Variants in ARHGEF4 observed in about 807,000 individuals in gnomAD.
ARHGEF4 encodes APC-stimulated guanine nucleotide exchange factor 1.
A neutral mutation model predicts 162.0 loss-of-function variants in ARHGEF4; 119 were observed. The ratio of observed to expected loss-of-function variants is 0.73; its 90% CI spans 0.63 to 0.86. The LOEUF (loss-of-function observed/expected upper bound fraction) is 0.86, where lower values mean the gene tolerates loss of function less well. Ranked by LOEUF, ARHGEF4 falls within the 40% of genes least tolerant of loss-of-function variation. The pLI, the probability that ARHGEF4 is intolerant of heterozygous loss-of-function variation, is 0.00. For missense variants in ARHGEF4, 2,488 were observed against 2,456.0 expected, an observed-to-expected ratio of 1.01 and a Z score of -0.28; for synonymous variants, 1,014 against 979.9, an observed-to-expected ratio of 1.03 and a Z score of -0.65.
At chr2:130,978,826 T>A (rs1242841666) in intron 4 of ARHGEF4, among the ~76,000 whole-genome samples, 1 of 151,708 alleles carries the variant, frequency 6.6e-6, no homozygotes, top group Non-Finnish European at 1.5e-5. Context: ...ACAAAAGCCA[T>A]AAAAAAAATT....
At chr2:130,904,219 T>G (rs1473800927) in intron 1 of ARHGEF4, among the ~76,000 whole-genome samples, 1 of 152,230 alleles carries the variant, frequency 6.6e-6, no homozygotes, top group Non-Finnish European at 1.5e-5. Flanking sequence ...TCCTGACTGG[T>G]GCATCTCTCT....
rs1045704770 is a variant in ARHGEF4 at position 130,917,075 on chromosome 2, T to C, written c.3129T>C (p.Pro1043=). 1 of 1,550,570 alleles carries C rather than the reference T, an allele frequency of 6.4e-7. No homozygotes were observed. The highest frequency in any genetic ancestry group is 8.7e-7 in the Non-Finnish European group (1 of 1,147,016). The change falls in exon 2 of 14, where the codon CCT becomes CCC. Residue 1043 remains proline (P), a synonymous_variant. Coordinates refer to ENST00000409359, the MANE Select transcript of ARHGEF4 (RefSeq NM_001367493.1). ...TATQEGGRYL[P]SGIFPEKSWL... Reference sequence around the variant, plus strand: ...CCCAGGAAGGCGGTAGGTACCTACCTTCAGGTATCTTTCCGGAAAAGTCCT... The same window carrying C: ...CCCAGGAAGGCGGTAGGTACCTACCCTCAGGTATCTTTCCGGAAAAGTCCT...
At chr2:131,018,654 A>T (rs78460326) in intron 4 of ARHGEF4, among the ~76,000 whole-genome samples, 4,035 of 152,278 alleles carry the variant, frequency 0.026, 167 homozygotes, top group African/African-American at 0.091. Flanking sequence ...TTGGTCTTAT[A>T]TCCAAGAAAT....
chr2:130,882,272 TC>T (rs1272469798), intron 1 of ARHGEF4, among the ~76,000 whole-genome samples: 1 of 152,004 alleles, frequency 6.6e-6, no homozygotes, highest in Non-Finnish European at 1.5e-5. Flanking sequence ...GAGGGCCTGT[TC>T]CTTCCTGTTT....
intron 4 of ARHGEF4, among the ~76,000 whole-genome samples, chr2:130,985,784 GT>G (rs1686441207): frequency 6.6e-6 from 1 of 151,658 alleles, no homozygotes; most frequent in Non-Finnish European, 1.5e-5. Context: ...CATGATATGT[GT>G]TTTGTGTTGT....
At chr2:130,946,383 C>T in intron 3 of ARHGEF4, 126 bp from the exon 4 acceptor site, 2 of 1,167,752 alleles carry the variant, frequency 1.7e-6, no homozygotes, top group Admixed American at 4.7e-5. Flanking sequence ...TGGAGCTGTG[C>T]ATATTTTGGT....
chr2:130,977,665 GGTGT>G (rs143773962), intron 4 of ARHGEF4, among the ~76,000 whole-genome samples: 1 of 151,498 alleles, frequency 6.6e-6, no homozygotes, highest in Non-Finnish European at 1.5e-5. Flanking sequence ...GTGTATGTAT[GGTGT>G]GTGTGTGTGC....
At chr2:131,016,172 C>T (rs941615450) in intron 4 of ARHGEF4, among the ~76,000 whole-genome samples, 3 of 152,136 alleles carry the variant, frequency 2.0e-5, no homozygotes, top group Non-Finnish European at 2.9e-5. Context: ...TACCCTGACA[C>T]CTCCCAACGT....
intron 1 of ARHGEF4, among the ~76,000 whole-genome samples, chr2:130,865,164 G>C (rs534873675): frequency 6.6e-6 from 1 of 152,224 alleles, no homozygotes; most frequent in African/African-American, 2.4e-5. Context: ...AGTCAAAACA[G>C]GCATCTCAGA....
chr2:130,842,629 A>G (rs532712755), intron 1 of ARHGEF4, among the ~76,000 whole-genome samples: 47 of 152,206 alleles, frequency 3.1e-4, no homozygotes, highest in African/African-American at 1.1e-3. Context: ...ACCATTGATA[A>G]TTTATTTAGG....
At chr2:130,977,712 C>T (rs904179700) in intron 4 of ARHGEF4, among the ~76,000 whole-genome samples, 1 of 150,914 alleles carries the variant, frequency 6.6e-6, no homozygotes, top group African/African-American at 2.4e-5. Context: ...GTTTTTTTTG[C>T]ATCTTGTGCG....
At chr2:130,880,792 C>G (rs1679137019) in intron 1 of ARHGEF4, among the ~76,000 whole-genome samples, 1 of 151,994 alleles carries the variant, frequency 6.6e-6, no homozygotes, top group Non-Finnish European at 1.5e-5. Flanking sequence ...GCCTCAACCT[C>G]CCAAAGTGCT....
At chr2:130,972,752 T>G (rs2105225127) in intron 4 of ARHGEF4, among the ~76,000 whole-genome samples, 1 of 152,308 alleles carries the variant, frequency 6.6e-6, no homozygotes, top group East Asian at 1.9e-4. Context: ...TTTTCAAAAG[T>G]GAAAGATCTG....
chr2:130,954,194 A>G (rs902357747), intron 4 of ARHGEF4, among the ~76,000 whole-genome samples: 1 of 152,228 alleles, frequency 6.6e-6, no homozygotes, highest in South Asian at 2.1e-4. Context: ...AAAATGTGGC[A>G]TATATACACC....
intron 5 of ARHGEF4, 86 bp downstream of exon 5, chr2:131,028,170 A>G (rs1689604858): frequency 1.3e-5 from 20 of 1,532,928 alleles, no homozygotes; most frequent in Non-Finnish European, 1.6e-5. Flanking sequence ...CCAGATGCCC[A>G]CAGTCCACGT....
chr2:130,916,669 G>A lies in ARHGEF4; in HGVS notation c.2723G>A (p.Arg908Lys), dbSNP rs1258364578. 4 of 1,550,540 alleles carry A rather than the reference G, an allele frequency of 2.6e-6. No individual in the cohort carries two copies. In the South Asian group the frequency reaches 4.8e-5, roughly 18 times the overall value. ...LKTTEKKLRA[R>K]LALAHKTFSN... ...ACAACGGAGAAAAAACTCAGGGCAA[G>A]GTTGGCCTTGGCTCATAAGACCTTT... The change falls in exon 2 of 14, where the codon AGG becomes AAG. Residue 908 changes from arginine (R) to lysine (K), a missense_variant. Physicochemically the swap from Arg to Lys is conservative, Grantham distance 26. Around this residue, in one of 6 missense-constraint regions of ARHGEF4, gnomAD observed 1,642 missense variants for 1,481.5 expected, o/e 1.11. Coordinates refer to ENST00000409359, the MANE Select transcript of ARHGEF4 (RefSeq NM_001367493.1).
intron 1 of ARHGEF4, among the ~76,000 whole-genome samples, chr2:130,893,520 CTCTTT>C (rs1460010885): frequency 6.6e-6 from 1 of 152,248 alleles, no homozygotes; most frequent in Admixed American, 6.5e-5. Context: ...CCTGCCATGA[CTCTTT>C]TCTGCTTTGT....
intron 4 of ARHGEF4, among the ~76,000 whole-genome samples, chr2:131,020,750 C>T (rs1276083392): frequency 6.6e-6 from 1 of 152,166 alleles, no homozygotes; most frequent in African/African-American, 2.4e-5. Flanking sequence ...AGTTCTAGAT[C>T]CCTGAGGAAT....
intron 2 of ARHGEF4, among the ~76,000 whole-genome samples, chr2:130,923,077 C>G (rs926463485): frequency 1.3e-4 from 19 of 151,434 alleles, no homozygotes; most frequent in Admixed American, 2.6e-4. Flanking sequence ...ACTACAGGCG[C>G]GAGCCACAAC....
Sources: gnomAD v4.1 joint callset for allele counts (sites outside exome capture counted in the v4.1 genomes callset) on GRCh38, gnomAD v4.1.1 for gene constraint, gnomAD v4.1.1 regional missense constraint, MANE v1.5 for transcripts, NCBI Gene and HGNC (gene_info 2026-07-23, HGNC 2026-07-21) for gene names.